The following CEP170B variants were observed in gnomAD, a reference collection of about 807,000 sequenced individuals.
The protein encoded by CEP170B is centrosomal protein of 170 kDa protein B.
In CEP170B, 55 loss-of-function variants were observed where a neutral mutation model predicts 120.6. That is an observed-to-expected ratio of 0.46 (90% CI 0.37 to 0.57). CEP170B has a LOEUF of 0.57. CEP170B is among the 20% of genes least tolerant of loss of function. The probability of loss-of-function intolerance (pLI) is 0.00; values close to 1 mark genes in which losing one functional copy is unlikely to be tolerated. For missense variants in CEP170B, 2,212 were observed against 2,253.3 expected, an observed-to-expected ratio of 0.98 and a Z score of 0.37; for synonymous variants, 1,033 against 954.5, an observed-to-expected ratio of 1.08 and a Z score of -1.52.
At chr14:104,880,179 G>A in intron 5 of CEP170B, 108 bp from the exon 6 acceptor site, 4 of 1,438,086 alleles carry the variant, frequency 2.8e-6, no homozygotes, top group East Asian at 2.5e-5. Flanking sequence ...CTTGTGACAT[G>A]CAAAGTCATA....
In CEP170B at chr14:104,894,266, C is replaced by T. The variant is rs746339848; in HGVS notation, c.4272-19C>T. On this transcript the variant is annotated intron_variant, in intron 16 of 18. Coordinates refer to ENST00000414716, the MANE Select transcript of CEP170B (RefSeq NM_001112726.3). Reference sequence around the variant, plus strand: ...TCTGTCCTTGTCCCCCCATTTCTGCCTCCCCCTACCTCGGACAGGATCCTC... The same window carrying T: ...TCTGTCCTTGTCCCCCCATTTCTGCTTCCCCCTACCTCGGACAGGATCCTC... The T allele has an allele frequency of 9.4e-6, 15 of 1,590,588 alleles. No homozygotes were observed. Among genetic ancestry groups the T allele is most frequent in the Non-Finnish European group, 1.3e-5 (15 of 1,158,930 alleles).
At chr14:104,869,036 C>T (rs1050177129) in intron 2 of CEP170B, among the ~76,000 whole-genome samples, 62 of 152,136 alleles carry the variant, frequency 4.1e-4, no homozygotes, top group African/African-American at 1.4e-3. Context: ...TGCCTTTTGG[C>T]GGCCTCCAGG....
intron 5 of CEP170B, among the ~76,000 whole-genome samples, chr14:104,879,598 T>C (rs1346746240): frequency 1.3e-5 from 2 of 151,918 alleles, no homozygotes; most frequent in Non-Finnish European, 2.9e-5. Context: ...TCGGAGCCCC[T>C]CAGGAGGTAA....
chr14:104,874,234 C>T (rs116468697), intron 2 of CEP170B, among the ~76,000 whole-genome samples: 1,587 of 152,290 alleles, frequency 0.01, 36 homozygotes, highest in African/African-American at 0.036. Context: ...TGATGTCTGG[C>T]ATCACCCACC....
chr14:104,864,945 C>T (rs1444350532), upstream of CEP170B, among the ~76,000 whole-genome samples: 2 of 151,110 alleles, frequency 1.3e-5, no homozygotes, highest in East Asian at 2.0e-4. The surrounding 1 kb of genome is among the most constrained non-coding windows in gnomAD (Gnocchi z 5.9). Flanking sequence ...GAGCTGGGGC[C>T]GGACCGGGAG....
chr14:104,894,525 C>A lies in CEP170B; in HGVS notation c.4366-12C>A. On this transcript the variant is annotated splice_polypyrimidine_tract_variant and intron_variant, in intron 17 of 18. Coordinates refer to ENST00000414716, the MANE Select transcript of CEP170B (RefSeq NM_001112726.3). Reference sequence around the variant, plus strand: ...GAAGTTGACTCCACCTCCCTTCCTGCCACGTTTCCAGGAAATCAGCTCCAT... The same window carrying A: ...GAAGTTGACTCCACCTCCCTTCCTGACACGTTTCCAGGAAATCAGCTCCAT... 1 of 1,610,042 alleles carries A rather than the reference C, an allele frequency of 6.2e-7. No individual in the cohort carries two copies.
rs752813792 is a variant in CEP170B at position 104,886,927 on chromosome 14, C to T, written c.2688C>T (p.Ala896=). 1.1e-5 allele frequency: 18 copies of T among 1,609,378 alleles called. No individual in the cohort carries two copies. The highest frequency in any genetic ancestry group is 2.2e-5 in the South Asian group (2 of 91,084). Residue 896 remains alanine (A), a synonymous_variant, in exon 12 of 19, where the codon GCC becomes GCT. Transcript: ENST00000414716. ...ISSHPLLQDL[A]ATRAARMDFH... The stretch of plus-strand genomic sequence containing the variant: ...GCCACCCGCTTCTACAGGACCTGGC[C>T]GCTACCCGGGCCGCACGCATGGACT...
rs1895833947 is a variant in CEP170B at position 104,876,141 on chromosome 14, C to G, written c.106-115C>G. On this transcript the variant is annotated intron_variant, in intron 2 of 18. Transcript: ENST00000414716. ...TGGGCACAGCTCTGTGGTCAGAGGC[C>G]TGGGGGCCACTGCTGGTGTTGTGCT... The G allele has an allele frequency of 4.2e-6, 4 of 960,610 alleles. No homozygotes were observed. In the South Asian group the frequency reaches 5.9e-5, roughly 14 times the overall value. 59.5% of individuals were successfully genotyped at this position (960,610 alleles called of 1,614,324 possible). A position where few individuals can be genotyped will look rare whatever the true frequency, so the allele number is the denominator to read the frequency against.
At position 104,894,801 on chromosome 14, in the gene CEP170B, A is replaced by T. The variant is rs202016899; in HGVS notation, c.4508A>T (p.Lys1503Met). The change falls in exon 19 of 19, where the codon AAG becomes ATG. Residue 1503 changes from lysine (K) to methionine (M), a missense_variant. Physicochemically the swap from Lys to Met is moderately conservative, Grantham distance 95. Coordinates refer to ENST00000414716, the MANE Select transcript of CEP170B (RefSeq NM_001112726.3). Reference protein sequence around the residue: ...LASSAQPGLGKGRVAAQSPPS... With the variant: ...LASSAQPGLGMGRVAAQSPPS... The stretch of plus-strand genomic sequence containing the variant: ...AGCTCTGCACAGCCGGGGCTGGGGA[A>T]GGGCCGCGTGGCTGCCCAGAGCCCA... The T allele has an allele frequency of 6.2e-6, 10 of 1,608,124 alleles. No individual in the cohort carries two copies. In the East Asian group the frequency reaches 1.8e-4, roughly 29 times the overall value.
chr14:104,883,767 C>G lies in CEP170B; in HGVS notation c.1052-64C>G, dbSNP rs1021017772. The G allele has an allele frequency of 2.1e-6, 3 of 1,423,158 alleles. No individual in the cohort carries two copies. In the African/African-American group the frequency reaches 4.3e-5, roughly 20 times the overall value. 88.2% of individuals were successfully genotyped at this position (1,423,158 alleles called of 1,614,324 possible). On this transcript the variant is annotated intron_variant, in intron 8 of 18. Coordinates refer to ENST00000414716, the MANE Select transcript of CEP170B (RefSeq NM_001112726.3). ...GCTAAGGCATGGGGTGATGAGGCTG[C>G]CTGAGATCGACAGCTGTTTCCTTTC...
rs1236063302 is a variant in CEP170B, at chr14:104,885,389, C to T, written c.1791C>T (p.Ser597=). 2.5e-6 allele frequency: 4 copies of T among 1,569,332 alleles called. No individual in the cohort carries two copies. The highest frequency in any genetic ancestry group is 2.4e-5 in the East Asian group (1 of 42,512). ...MIDQVFGVLE[S]PELSRASSAT... ...GGCAGGTCTTTGGGGTGTTGGAGTC[C>T]CCTGAACTCTCCAGGGCATCTTCGG... Residue 597 remains serine (S), a synonymous_variant, in exon 10 of 19, where the codon TCC becomes TCT. Coordinates refer to ENST00000414716, the MANE Select transcript of CEP170B (RefSeq NM_001112726.3).
Position 104,896,564 on chromosome 14 carries a change from T to G in CEP170B, c.*1606T>G. 1 of 456,036 alleles carries G rather than the reference T, an allele frequency of 2.2e-6. No individual in the cohort carries two copies. Among genetic ancestry groups the G allele is most frequent in the Non-Finnish European group, 4.4e-6 (1 of 226,896 alleles). The allele number at this position is 456,036 out of a possible 1,614,324, so 28.2% of individuals were successfully genotyped here. A position where few individuals can be genotyped will look rare whatever the true frequency, so the allele number is the denominator to read the frequency against. ...CACAAGTTCCTGCTCCTCCCCACACTGAGCTCCTTTGTTCCTCCCCCTCCA... is the reference window on the plus strand; with the variant it reads ...CACAAGTTCCTGCTCCTCCCCACACGGAGCTCCTTTGTTCCTCCCCCTCCA... On this transcript the variant is annotated 3_prime_UTR_variant, in exon 19 of 19. Transcript: ENST00000414716.
In CEP170B at chr14:104,893,010, C is replaced by T; in HGVS notation, c.3913C>T (p.Leu1305=). 6.3e-7 allele frequency: 1 copy of T among 1,580,392 alleles called. No homozygotes were observed. The highest frequency in any genetic ancestry group is 8.6e-7 in the Non-Finnish European group (1 of 1,164,552). ...SQTLVKDVAI[L]AQEIHDVAGD... ...GACGCTGGTGAAGGACGTGGCCATCCTAGCCCAGGAGATCCACGATGTGGC... is the reference window on the plus strand; with the variant it reads ...GACGCTGGTGAAGGACGTGGCCATCTTAGCCCAGGAGATCCACGATGTGGC... The change falls in exon 14 of 19, where the codon CTA becomes TTA. Residue 1305 remains leucine, a synonymous_variant. Coordinates refer to ENST00000414716, the MANE Select transcript of CEP170B (RefSeq NM_001112726.3).
chr14:104,874,378 G>A (rs1019761478), intron 2 of CEP170B, among the ~76,000 whole-genome samples: 3 of 152,184 alleles, frequency 2.0e-5, no homozygotes, highest in Admixed American at 6.5e-5. Flanking sequence ...TGGCTATCAA[G>A]GTCAGACCCA....
At chr14:104,873,494 C>A (rs1475721832) in intron 2 of CEP170B, among the ~76,000 whole-genome samples, 3 of 151,852 alleles carry the variant, frequency 2.0e-5, no homozygotes, top group African/African-American at 4.8e-5. Context: ...GAGAGGCTGA[C>A]CGAGGGCTGC....
intron 12 of CEP170B, among the ~76,000 whole-genome samples, chr14:104,888,278 C>T (rs1370673460): frequency 3.3e-5 from 5 of 152,238 alleles, no homozygotes; most frequent in Admixed American, 3.3e-4. Context: ...GGCTGGCCCT[C>T]CCCACTCTTC....
intron 17 of CEP170B, 32 bp from the exon 18 acceptor site, chr14:104,894,505 T>A: frequency 6.2e-7 from 1 of 1,606,448 alleles, no homozygotes; most frequent in Non-Finnish European, 8.5e-7. Flanking sequence ...CGTCAGAAGT[T>A]GACTCCACCT....
chr14:104,865,173 G>T (rs1463207767), upstream of CEP170B: 2 of 146,508 alleles, frequency 1.4e-5, no homozygotes, highest in South Asian at 1.8e-4. The surrounding 1 kb of genome is among the most constrained non-coding windows in gnomAD (Gnocchi z 6.7). Flanking sequence ...GGTTTCCGGC[G>T]GGGCGGCGCG....
At position 104,887,643 on chromosome 14, in the gene CEP170B, C is replaced by T; in HGVS notation, c.3404C>T (p.Ser1135Leu). 1 of 1,561,486 alleles carries T rather than the reference C, an allele frequency of 6.4e-7. No homozygotes were observed. Among genetic ancestry groups the T allele is most frequent in the South Asian group, 1.2e-5 (1 of 85,236 alleles). The change falls in exon 12 of 19, where the codon TCA becomes TTA. Residue 1135 changes from serine (S) to leucine (L), a missense_variant. Ser to Leu is a moderately radical substitution (Grantham distance 145). Coordinates refer to ENST00000414716, the MANE Select transcript of CEP170B (RefSeq NM_001112726.3). ...AGGCGGGCCCGGCTGGGGGACGCTTCAGACACTGAGGCTGCGGATGGTGAG... is the reference window on the plus strand; with the variant it reads ...AGGCGGGCCCGGCTGGGGGACGCTTTAGACACTGAGGCTGCGGATGGTGAG... ...RLRRARLGDASDTEAADGERG... is the reference protein window; with the variant it reads ...RLRRARLGDALDTEAADGERG...
Sources: allele counts gnomAD v4.1 joint callset (sites outside exome capture counted in the v4.1 genomes callset), GRCh38; gene constraint gnomAD v4.1.1; non-coding constraint Gnocchi (gnomAD v3.1); transcripts MANE v1.5; gene names NCBI Gene and HGNC (gene_info 2026-07-23, HGNC 2026-07-21).